VCAN: variants seen among roughly 807,000 people sequenced by gnomAD.
The protein encoded by VCAN is versican, also known as versican core protein.
VCAN carries 44 observed loss-of-function variants against 245.5 expected under a neutral mutation model. The ratio of observed to expected loss-of-function variants is 0.18; its 90% CI spans 0.14 to 0.23. The LOEUF (loss-of-function observed/expected upper bound fraction) is 0.23. Ranked by LOEUF, VCAN falls within the 10% of genes least tolerant of loss-of-function variation. The pLI is 1.00. For missense variants in VCAN, 3,793 were observed against 4,057.9 expected, an observed-to-expected ratio of 0.93 and a Z score of 1.77; for synonymous variants, 1,413 against 1,437.0, an observed-to-expected ratio of 0.98 and a Z score of 0.38.
intron 5 of VCAN, among the ~76,000 whole-genome samples, chr5:83,498,868 T>C (rs1745247242): frequency 6.6e-6 from 1 of 152,176 alleles, no homozygotes; most frequent in Non-Finnish European, 1.5e-5. Flanking sequence ...GCCATGTAAT[T>C]CTCCTACTTA....
chr5:83,479,328 A>G (rs1174714634), intron 1 of VCAN, among the ~76,000 whole-genome samples: 1 of 152,098 alleles, frequency 6.6e-6, no homozygotes, highest in Non-Finnish European at 1.5e-5. Context: ...TATCTATTTA[A>G]TAGAATCTTG....
intron 10 of VCAN, among the ~76,000 whole-genome samples, chr5:83,551,898 A>T (rs1747484703): frequency 1.5e-5 from 2 of 129,668 alleles, no homozygotes; most frequent in South Asian, 5.1e-4. Context: ...ATTTTGAGGC[A>T]CTGAGTGCTA....
Position 83,539,485 on chromosome 5 carries a change from A to G in VCAN, c.6482A>G (p.Lys2161Arg), listed in dbSNP as rs149408243. 231 of 1,613,806 alleles carry G rather than the reference A, an allele frequency of 1.4e-4. 3 individuals carry two copies. The African/African-American group carries it at 2.5e-3, about 18-fold the overall frequency. ...ACAGATTATTCTGTACTAACAACAA[A>G]GAAAACTTACAGTGATGATAAAGAA... ...KTTDYSVLTT[K>R]KTYSDDKEMK... The change falls in exon 8 of 15, where the codon AAG becomes AGG. Residue 2161 changes from lysine (K) to arginine (R), a missense_variant. Coordinates refer to ENST00000265077, the MANE Select transcript of VCAN (RefSeq NM_004385.5).
intron 7 of VCAN, 119 bp from the exon 8 acceptor site, chr5:83,536,888 A>G: frequency 1.2e-6 from 1 of 814,040 alleles, no homozygotes; most frequent in East Asian, 2.7e-5. Flanking sequence ...TGCACTTATT[A>G]TGAAAAGATT....
At chr5:83,577,700 A>G (rs1182960587) in intron 13 of VCAN, among the ~76,000 whole-genome samples, 1 of 152,198 alleles carries the variant, frequency 6.6e-6, no homozygotes, top group East Asian at 1.9e-4. Context: ...TCAACCATCT[A>G]GAATTGATTT....
rs1343297562 is a variant in VCAN at position 83,556,163 on chromosome 5, T to A, written c.9735+1125T>A. 2.0e-5 allele frequency among the ~76,000 whole-genome samples: 3 copies of A among 152,204 alleles called. No individual in the cohort carries two copies. In the East Asian group the frequency reaches 5.8e-4, roughly 29 times the overall value. On this transcript the variant is annotated intron_variant, in intron 12 of 14. Coordinates refer to ENST00000265077, the MANE Select transcript of VCAN (RefSeq NM_004385.5). ...GTATTAAGCACTTGCTTATGTTTAT[T>A]CCCCACAATAACTTTTAAGAGAGGC...
Position 83,541,741 on chromosome 5 carries a change from T to C in VCAN, c.8738T>C (p.Met2913Thr). ...GGTAAACCTGAGTTATTAGAAGAAA[T>C]GGAAGCTTCTCCCACAGAACTTATT... ...DDGKPELLEE[M>T]EASPTELIAV... is the part of the protein sequence containing the mutation. The change falls in exon 8 of 15, where the codon ATG (methionine) becomes ACG (threonine). Residue 2913 changes from methionine (M) to threonine (T), a missense_variant. Around this residue, in one of 5 missense-constraint regions of VCAN, gnomAD observed 3,182 missense variants for 3,250.3 expected, o/e 0.98. Transcript: ENST00000265077. The C allele has an allele frequency of 2.5e-6, 4 of 1,614,026 alleles. No individual in the cohort carries two copies. The highest frequency in any genetic ancestry group is 3.4e-6 in the Non-Finnish European group (4 of 1,179,994).
rs1315649343 is a variant in VCAN at position 83,537,578 on chromosome 5, A to G, written c.4575A>G (p.Arg1525=). 1 of 1,613,796 alleles carries G rather than the reference A, an allele frequency of 6.2e-7. No homozygotes were observed. The highest frequency in any genetic ancestry group is 1.7e-5 in the Admixed American group (1 of 59,920). Residue 1525 remains arginine (R), a synonymous_variant, in exon 8 of 15, where the codon AGA becomes AGG. Coordinates refer to ENST00000265077, the MANE Select transcript of VCAN (RefSeq NM_004385.5). ...AKKGAESVTE[R]DTEVGHQAHE... is the part of the protein sequence containing the mutation. ...AAGGGGCAGAATCAGTCACAGAGAG[A>G]GATACTGAAGTTGGTCATCAGGCAC...
At chr5:83,505,759 A>G (rs1373564125) in intron 5 of VCAN, among the ~76,000 whole-genome samples, 1 of 152,220 alleles carries the variant, frequency 6.6e-6, no homozygotes, top group Non-Finnish European at 1.5e-5. Context: ...GCACTGCCCT[A>G]GCAGAGGTTC....
In VCAN at chr5:83,521,782, C is replaced by A. The variant is rs1219556497; in HGVS notation, c.3476C>A (p.Thr1159Asn). Residue 1159 changes from threonine to asparagine, a missense_variant, in exon 7 of 15, where the codon ACC becomes AAC. Thr to Asn is a moderately conservative substitution (Grantham distance 65). Coordinates refer to ENST00000265077, the MANE Select transcript of VCAN (RefSeq NM_004385.5). Reference protein sequence around the residue: ...GFTSSLSPFSTHITQLMEETT... With the variant: ...GFTSSLSPFSNHITQLMEETT... ...ACATCATCTTTGAGTCCTTTTAGTA[C>A]CCACATTACCCAGCTTATGGAAGAA... 5.6e-6 allele frequency: 9 copies of A among 1,613,966 alleles called. No individual in the cohort carries two copies. Among genetic ancestry groups the A allele is most frequent in the South Asian group, 1.1e-5 (1 of 91,074 alleles).
At chr5:83,564,014 A>T (rs1189728122) in intron 12 of VCAN, among the ~76,000 whole-genome samples, 1 of 152,178 alleles carries the variant, frequency 6.6e-6, no homozygotes, top group Admixed American at 6.6e-5. Context: ...CCGTAGGTGA[A>T]CATTTTAGAC....
chr5:83,475,364 C>T (rs1383745224), intron 1 of VCAN, among the ~76,000 whole-genome samples: 3 of 152,206 alleles, frequency 2.0e-5, no homozygotes, highest in Non-Finnish European at 4.4e-5. Flanking sequence ...TCTTTTCCAT[C>T]ACCTCAGATT....
At chr5:83,499,202 T>C (rs1745256915) in intron 5 of VCAN, among the ~76,000 whole-genome samples, 1 of 152,106 alleles carries the variant, frequency 6.6e-6, no homozygotes, top group Admixed American at 6.6e-5. Flanking sequence ...CTACTTTACT[T>C]AGAGTTAGTT....
chr5:83,549,706 C>G (rs1747386778), intron 10 of VCAN, among the ~76,000 whole-genome samples: 1 of 152,128 alleles, frequency 6.6e-6, no homozygotes, highest in Non-Finnish European at 1.5e-5. Context: ...CTGGTGCCAC[C>G]TGACTTTCAG....
Position 83,539,066 on chromosome 5 carries a change from T to A in VCAN, c.6063T>A (p.Ser2021=), listed in dbSNP as rs753311244. 1 of 1,614,016 alleles carries A rather than the reference T, an allele frequency of 6.2e-7. No individual in the cohort carries two copies. Among genetic ancestry groups the A allele is most frequent in the Non-Finnish European group, 8.5e-7 (1 of 1,179,968 alleles). The change falls in exon 8 of 15, where the codon TCT becomes TCA. Residue 2021 remains serine, a synonymous_variant. Transcript: ENST00000265077. ...AGCAACTGGTCACAGTCAGCAGCTCTGTTGTTCCAGTGCTTCCCAGTGCTG... is the reference window on the plus strand; with the variant it reads ...AGCAACTGGTCACAGTCAGCAGCTCAGTTGTTCCAGTGCTTCCCAGTGCTG... The part of the protein sequence containing the change: ...SGEQLVTVSS[S]VVPVLPSAVQ...
Position 83,538,384 on chromosome 5 carries a change from C to T in VCAN, c.5381C>T (p.Thr1794Ile), listed in dbSNP as rs1200613816. ...ATGACAGATTCTACTCCTGTCTTTA[C>T]AGAAACAAATACATTAGAAAATTTG... ...REMTDSTPVF[T>I]ETNTLENLGA... Residue 1794 changes from threonine (T) to isoleucine (I), a missense_variant, in exon 8 of 15, where the codon ACA becomes ATA. Coordinates refer to ENST00000265077, the MANE Select transcript of VCAN (RefSeq NM_004385.5). The T allele has an allele frequency of 1.2e-6, 2 of 1,613,904 alleles. No individual in the cohort carries two copies. The highest frequency in any genetic ancestry group is 1.7e-6 in the Non-Finnish European group (2 of 1,179,982).
chr5:83,518,400 A>G (rs973891852), intron 6 of VCAN, among the ~76,000 whole-genome samples: 37 of 152,168 alleles, frequency 2.4e-4, no homozygotes, highest in African/African-American at 8.0e-4. Flanking sequence ...GCAGCATTTT[A>G]TGATGACAGG....
chr5:83,493,943 G>A lies in VCAN; in HGVS notation c.748+12G>A. 1 of 1,613,910 alleles carries A rather than the reference G, an allele frequency of 6.2e-7. No individual in the cohort carries two copies. Among genetic ancestry groups the A allele is most frequent in the Non-Finnish European group, 8.5e-7 (1 of 1,179,934 alleles). On this transcript the variant is annotated intron_variant, in intron 5 of 14. Coordinates refer to ENST00000265077, the MANE Select transcript of VCAN (RefSeq NM_004385.5). ...GGATCATCTGGATGGTAAGATGTTT[G>A]AGTTTCTATATCTTCGTATGAACTG... is the stretch of plus-strand genomic sequence containing the variant.
intron 10 of VCAN, among the ~76,000 whole-genome samples, chr5:83,550,907 A>AG (rs1273749520): frequency 2.0e-5 from 3 of 147,446 alleles, no homozygotes; most frequent in Non-Finnish European, 3.0e-5. Context: ...AAAAAAAAAA[A>AG]AGTGAATCAA....
Sources: gnomAD v4.1 joint callset for allele counts (sites outside exome capture counted in the v4.1 genomes callset) on GRCh38, gnomAD v4.1.1 for gene constraint, gnomAD v4.1.1 regional missense constraint, MANE v1.5 for transcripts, NCBI Gene and HGNC (gene_info 2026-07-23, HGNC 2026-07-21) for gene names.